The following LAMA2 variants were observed in gnomAD, a reference collection of about 807,000 sequenced individuals.
LAMA2 encodes laminin subunit alpha 2.
Under a neutral mutation model 364.8 loss-of-function variants are expected in LAMA2, and 269 were observed. That is an observed-to-expected ratio of 0.74 (90% CI 0.67 to 0.82). LAMA2 has a LOEUF of 0.82. LAMA2 is among the 40% of genes least tolerant of loss of function. The pLI, the probability that LAMA2 is intolerant of heterozygous loss-of-function variation, is 0.00. For missense variants in LAMA2, 3,807 were observed against 3,873.2 expected (o/e 0.98, Z 0.45); for synonymous variants, 1,379 against 1,370.6 (o/e 1.01, Z -0.14).
intron 12 of LAMA2, among the ~76,000 whole-genome samples, chr6:129,226,968 C>CA (rs1296085468): frequency 6.6e-6 from 1 of 152,194 alleles, no homozygotes; most frequent in Non-Finnish European, 1.5e-5. Flanking sequence ...TTCATGTACC[C>CA]AATCAGGCAT....
At chr6:129,504,603 C>T (rs889834678) in intron 60 of LAMA2, among the ~76,000 whole-genome samples, 3 of 152,158 alleles carry the variant, frequency 2.0e-5, no homozygotes, top group African/African-American at 7.2e-5. Flanking sequence ...TTATTTCATT[C>T]TGTCTCAGAA....
intron 1 of LAMA2, among the ~76,000 whole-genome samples, chr6:128,980,870 T>C (rs1426445824): frequency 6.6e-6 from 1 of 152,036 alleles, no homozygotes; most frequent in Non-Finnish European, 1.5e-5. Flanking sequence ...TCAATACTAA[T>C]GAAAATAAAC....
intron 12 of LAMA2, among the ~76,000 whole-genome samples, chr6:129,203,532 G>A (rs1475162143): frequency 1.3e-5 from 2 of 152,208 alleles, no homozygotes; most frequent in Non-Finnish European, 2.9e-5. Flanking sequence ...ACAAGGAGAA[G>A]ACAGCCATCT....
chr6:129,198,388 GC>G, intron 12 of LAMA2, among the ~76,000 whole-genome samples: 1 of 152,250 alleles, frequency 6.6e-6, no homozygotes, highest in African/African-American at 2.4e-5. Flanking sequence ...TGTGTCTATA[GC>G]CCATTCCAGT....
Position 129,066,038 on chromosome 6 carries a change from G to GTTTTTTT in LAMA2, c.396+6161_396+6167dup, listed in dbSNP as rs544271722. Among the ~76,000 whole-genome samples, 98 of 37,114 alleles carry GTTTTTTT rather than the reference G, an allele frequency of 2.6e-3. 12 individuals carry two copies. Among genetic ancestry groups the GTTTTTTT allele is most frequent in the African/African-American group, 7.3e-3 (85 of 11,696 alleles). 24.3% of individuals were successfully genotyped at this position (37,114 alleles called of 152,430 possible). ...TCTTTTGTAAATTGCCCAGTCTCAG[G>GTTTTTTT]TTTTTTTTTTTTTTTTTTTTTTTTT... On this transcript the variant is annotated intron_variant, in intron 3 of 64. Transcript: ENST00000421865.
Position 128,937,601 on chromosome 6 carries a change from G to A in LAMA2, c.112+54244G>A, listed in dbSNP as rs150267312. On this transcript the variant is annotated intron_variant, in intron 1 of 64. Transcript: ENST00000421865. ...ATTTATTGGTGTATAATTGTTCATA[G>A]CAGTCTCTATGATCCTTTTTTATTT... Among the ~76,000 whole-genome samples the A allele has an allele frequency of 3.8e-3, 583 of 151,982 alleles. 4 individuals carry two copies. The highest frequency in any genetic ancestry group is 0.014 in the African/African-American group (561 of 41,482).
At position 129,098,169 on chromosome 6, in the gene LAMA2, C is replaced by T. The variant is rs1450396214; in HGVS notation, c.397-4C>T. ...ATGTTATTGTTGTTGTTATACTTCC[C>T]TAGGTGTTCCAGATCGCGTATGTGA... On this transcript the variant is annotated splice_polypyrimidine_tract_variant and splice_region_variant and intron_variant, in intron 3 of 64. Coordinates refer to ENST00000421865, the MANE Select transcript of LAMA2 (RefSeq NM_000426.4). The T allele has an allele frequency of 6.2e-7, 1 of 1,613,818 alleles. No individual in the cohort carries two copies. The highest frequency in any genetic ancestry group is 1.3e-5 in the African/African-American group (1 of 74,872).
At chr6:129,365,157 A>C (rs1365230913) in intron 32 of LAMA2, among the ~76,000 whole-genome samples, 1 of 152,192 alleles carries the variant, frequency 6.6e-6, no homozygotes, top group African/African-American at 2.4e-5. Context: ...TGGCTACTTA[A>C]AGAATATAGT....
At chr6:129,392,303 A>G (rs1167078049) in intron 36 of LAMA2, among the ~76,000 whole-genome samples, 1 of 152,206 alleles carries the variant, frequency 6.6e-6, no homozygotes, top group African/African-American at 2.4e-5. Flanking sequence ...TAATACTTAA[A>G]TAATTTATAC....
chr6:129,021,775 G>A (rs1037591489), intron 1 of LAMA2, among the ~76,000 whole-genome samples: 1 of 152,202 alleles, frequency 6.6e-6, no homozygotes, highest in African/African-American at 2.4e-5. Context: ...AGGGAAGAAA[G>A]TCAGAAAAGC....
At chr6:129,490,809 C>T (rs552636457) in intron 56 of LAMA2, 12 of 152,128 alleles carry the variant, frequency 7.9e-5, no homozygotes, top group Non-Finnish European at 1.6e-4. Flanking sequence ...TGTCATTTCC[C>T]CCTATTTTCT....
rs890498006 is a variant in LAMA2, at chr6:128,898,360, G to T, written c.112+15003G>T. On this transcript the variant is annotated intron_variant, in intron 1 of 64. Coordinates refer to ENST00000421865, the MANE Select transcript of LAMA2 (RefSeq NM_000426.4). ...TGCCAGGATTGAACATAGGTACTCT[G>T]CATTTCCTCAACTCTTTTCCCATCA... 2.0e-5 allele frequency among the ~76,000 whole-genome samples: 3 copies of T among 152,312 alleles called. No individual in the cohort carries two copies. The South Asian group carries it at 6.2e-4, about 32-fold the overall frequency.
intron 1 of LAMA2, among the ~76,000 whole-genome samples, chr6:128,969,639 C>G (rs1251922229): frequency 1.3e-5 from 2 of 151,976 alleles, no homozygotes; most frequent in African/African-American, 2.4e-5. Context: ...CCATGTTGTC[C>G]AGGCTGTTCT....
At chr6:129,299,225 T>G (rs1051076092) in intron 21 of LAMA2, among the ~76,000 whole-genome samples, 1 of 152,074 alleles carries the variant, frequency 6.6e-6, no homozygotes, top group African/African-American at 2.4e-5. Context: ...TTTGTCTAAA[T>G]GGCTCCTTCA....
At chr6:128,911,482 C>T (rs1276180624) in intron 1 of LAMA2, among the ~76,000 whole-genome samples, 2 of 152,158 alleles carry the variant, frequency 1.3e-5, no homozygotes, top group East Asian at 3.9e-4. Flanking sequence ...GGCAATGCCT[C>T]ACCCTGCTTC....
chr6:129,296,170 T>C (rs1202266924), intron 20 of LAMA2, among the ~76,000 whole-genome samples: 1 of 152,006 alleles, frequency 6.6e-6, no homozygotes, highest in Non-Finnish European at 1.5e-5. Context: ...TTTTATAACA[T>C]TGTACAGTTA....
At chr6:129,156,523 CT>C (rs199731028) in intron 8 of LAMA2, among the ~76,000 whole-genome samples, 6,189 of 136,034 alleles carry the variant, frequency 0.045, 145 homozygotes, top group African/African-American at 0.055. Flanking sequence ...TCCTTAATTT[CT>C]TTTTTTTTTT....
intron 1 of LAMA2, 123 bp downstream of exon 1, chr6:128,883,480 T>G: frequency 6.7e-7 from 1 of 1,487,874 alleles, no homozygotes; most frequent in African/African-American, 1.4e-5. Context: ...GAGAGTGCGC[T>G]CTGGGGCAAG....
At chr6:129,164,301 C>G (rs751952459) in intron 8 of LAMA2, among the ~76,000 whole-genome samples, 2 of 152,174 alleles carry the variant, frequency 1.3e-5, no homozygotes, top group Non-Finnish European at 2.9e-5. Flanking sequence ...GAGATTTCAC[C>G]ACACTATTCA....
Sources: gnomAD v4.1 joint callset for allele counts (sites outside exome capture counted in the v4.1 genomes callset) on GRCh38, gnomAD v4.1.1 for gene constraint, MANE v1.5 for transcripts, NCBI Gene and HGNC (gene_info 2026-07-23, HGNC 2026-07-21) for gene names.